Variants in APBB2 observed in about 807,000 individuals in gnomAD.
APBB2 encodes amyloid beta precursor protein binding family B member 2, also known as Fe65-like 1.
Under a neutral mutation model 82.5 loss-of-function variants are expected in APBB2, and 38 were observed. The ratio of observed to expected loss-of-function variants is 0.46; its 90% CI spans 0.36 to 0.60. The LOEUF (loss-of-function observed/expected upper bound fraction) is 0.60, where lower values mean the gene tolerates loss of function less well. Among genes scored for constraint, APBB2 ranks in the 20% least tolerant of loss-of-function variants. APBB2 has a pLI of 0.00. For missense variants in APBB2, 772 were observed against 972.3 expected, an observed-to-expected ratio of 0.79 and a Z score of 2.74; for synonymous variants, 341 against 368.2, an observed-to-expected ratio of 0.93 and a Z score of 0.85.
At chr4:41,040,681 G>A (rs1356696168) in intron 4 of APBB2, among the ~76,000 whole-genome samples, 1 of 151,974 alleles carries the variant, frequency 6.6e-6, no homozygotes, top group Non-Finnish European at 1.5e-5. Context: ...GACTCAAATA[G>A]CCTAAATTAA....
At chr4:40,965,872 G>T (rs1794552701) in intron 6 of APBB2, among the ~76,000 whole-genome samples, 2 of 152,146 alleles carry the variant, frequency 1.3e-5, no homozygotes. Flanking sequence ...AACTTGTTCT[G>T]AATTAAATAT....
intron 1 of APBB2, among the ~76,000 whole-genome samples, chr4:41,194,936 ATT>A: frequency 6.6e-6 from 1 of 152,018 alleles, no homozygotes. Context: ...AAGACGTGTG[ATT>A]TATTTTTAGA....
In APBB2 at chr4:41,127,131, T is replaced by C. The variant is rs1230909674; in HGVS notation, c.-261+15856A>G. On this transcript the variant is annotated intron_variant, in intron 2 of 17. Coordinates refer to ENST00000508593, the MANE Select transcript of APBB2 (RefSeq NM_004307.2). This position sits in a 1 kb window ranked among gnomAD's most constrained non-coding sequence, Gnocchi z 4.8. ...CTACCTTTCTAATATAATGAAAGGA[T>C]ACTACATTCTACAATGTCCCAATGA... Among the ~76,000 whole-genome samples the C allele has an allele frequency of 1.3e-5, 2 of 152,040 alleles. No homozygotes were observed. Among genetic ancestry groups the C allele is most frequent in the Non-Finnish European group, 2.9e-5 (2 of 68,016 alleles).
At chr4:40,930,770 C>T (rs898071924) in intron 10 of APBB2, among the ~76,000 whole-genome samples, 5 of 152,000 alleles carry the variant, frequency 3.3e-5, no homozygotes, top group African/African-American at 1.2e-4. Flanking sequence ...TTTTTTGAGA[C>T]GGAGTCTCGC....
intron 12 of APBB2, among the ~76,000 whole-genome samples, chr4:40,853,011 G>A (rs970673601): frequency 7.2e-5 from 11 of 152,146 alleles, no homozygotes; most frequent in Non-Finnish European, 1.0e-4. Context: ...CTTTGTCCTC[G>A]AACAGTTATT....
intron 6 of APBB2, among the ~76,000 whole-genome samples, chr4:40,994,620 C>G (rs1486808434): frequency 6.6e-6 from 1 of 151,894 alleles, no homozygotes; most frequent in Non-Finnish European, 1.5e-5. Flanking sequence ...TGACACCATC[C>G]TGGCTAACAT....
At chr4:40,921,189 T>C (rs1480246029) in intron 10 of APBB2, among the ~76,000 whole-genome samples, 1 of 152,208 alleles carries the variant, frequency 6.6e-6, no homozygotes, top group Admixed American at 6.5e-5. Context: ...CACCTTTTTG[T>C]ATTTGTGCCC....
At chr4:41,170,559 T>C (rs1439829914) in intron 1 of APBB2, among the ~76,000 whole-genome samples, 2 of 152,124 alleles carry the variant, frequency 1.3e-5, no homozygotes, top group African/African-American at 4.8e-5. Context: ...CAATACAAAA[T>C]AGCTGCCCAG....
Position 41,168,013 on chromosome 4 carries a change from A to G in APBB2, c.-416-24871T>C, listed in dbSNP as rs563870896. Reference sequence around the variant, plus strand: ...TGGCTGGGCGTGGTGGCTCACGCCTATAATCCCAGTACTTTGGGAGGCCGA... The same window carrying G: ...TGGCTGGGCGTGGTGGCTCACGCCTGTAATCCCAGTACTTTGGGAGGCCGA... On this transcript the variant is annotated intron_variant, in intron 1 of 17. Coordinates refer to ENST00000508593, the MANE Select transcript of APBB2 (RefSeq NM_004307.2). Among the ~76,000 whole-genome samples, 6 of 152,188 alleles carry G rather than the reference A, an allele frequency of 3.9e-5. No homozygotes were observed. The South Asian group carries it at 1.2e-3, about 32-fold the overall frequency.
chr4:40,850,615 T>G (rs1331976731), intron 12 of APBB2, among the ~76,000 whole-genome samples: 1 of 152,200 alleles, frequency 6.6e-6, no homozygotes, highest in African/African-American at 2.4e-5. Flanking sequence ...ACGGCCACAC[T>G]CATTCACTTA....
intron 11 of APBB2, chr4:40,893,001 G>A (rs11737809): frequency 0.14 from 44,802 of 317,068 alleles, 3,546 homozygotes; most frequent in Non-Finnish European, 0.17. Flanking sequence ...GGGGAGTTCT[G>A]GGCCCCTAAA....
chr4:41,202,523 A>G (rs1169351234), intron 1 of APBB2, among the ~76,000 whole-genome samples: 1 of 152,178 alleles, frequency 6.6e-6, no homozygotes, highest in Non-Finnish European at 1.5e-5. Flanking sequence ...GATAACGCCA[A>G]CAAAACCATC....
chr4:41,106,578 G>A (rs1203593922), intron 2 of APBB2, among the ~76,000 whole-genome samples: 8 of 152,034 alleles, frequency 5.3e-5, no homozygotes, highest in South Asian at 4.1e-4. Flanking sequence ...CCAGGTTCAC[G>A]GCATTCTCCT....
At chr4:41,203,699 T>C (rs550235840) in intron 1 of APBB2, among the ~76,000 whole-genome samples, 13 of 152,170 alleles carry the variant, frequency 8.5e-5, no homozygotes, top group Non-Finnish European at 1.5e-4. Context: ...CCAGGAGCTG[T>C]AAGCCCCAAT....
At chr4:41,205,322 C>A (rs17443381) in intron 1 of APBB2, among the ~76,000 whole-genome samples, 2 of 152,052 alleles carry the variant, frequency 1.3e-5, no homozygotes, top group Admixed American at 6.6e-5. Flanking sequence ...CAATCCTTCA[C>A]GGGATTTTAC....
At chr4:41,180,752 C>A (rs1277564907) in intron 1 of APBB2, among the ~76,000 whole-genome samples, 1 of 152,208 alleles carries the variant, frequency 6.6e-6, no homozygotes, top group African/African-American at 2.4e-5. Context: ...CTCCTGATCA[C>A]TTTACCTTGA....
Position 40,820,122 on chromosome 4 carries a change from A to T in APBB2, c.2112+1749T>A, listed in dbSNP as rs546820500. On this transcript the variant is annotated intron_variant, in intron 17 of 17. Transcript: ENST00000508593. ...CTGAATGCCCCAGATTCCAGCCCGTAAGTGCGAGGCTGAATTAAATGAAGC... is the reference window on the plus strand; with the variant it reads ...CTGAATGCCCCAGATTCCAGCCCGTTAGTGCGAGGCTGAATTAAATGAAGC... 7.9e-5 allele frequency among the ~76,000 whole-genome samples: 12 copies of T among 152,354 alleles called. No individual in the cohort carries two copies. The South Asian group carries it at 2.3e-3, about 29-fold the overall frequency.
Position 40,816,016 on chromosome 4 carries a change from C to A in APBB2, c.*76G>T, listed in dbSNP as rs534345935. ...AAGCATCAGCAACTGGATGGAAGGTCGGATGGCGGAGTTCATTTTCTTTAG... is the reference window on the plus strand; with the variant it reads ...AAGCATCAGCAACTGGATGGAAGGTAGGATGGCGGAGTTCATTTTCTTTAG... On this transcript the variant is annotated 3_prime_UTR_variant, in exon 18 of 18. Transcript: ENST00000508593. 2.0e-6 allele frequency: 3 copies of A among 1,519,408 alleles called. No homozygotes were observed. The highest frequency in any genetic ancestry group is 2.7e-6 in the Non-Finnish European group (3 of 1,111,284). 94.1% of individuals were successfully genotyped at this position (1,519,408 alleles called of 1,614,324 possible).
intron 10 of APBB2, among the ~76,000 whole-genome samples, chr4:40,918,759 GTT>G (rs1208082701): frequency 5.9e-5 from 5 of 84,278 alleles, no homozygotes; most frequent in African/African-American, 2.6e-4. Flanking sequence ...TTTTTTCTCT[GTT>G]TTTTTTTTTG....
Sources: allele counts gnomAD v4.1 joint callset (sites outside exome capture counted in the v4.1 genomes callset), GRCh38; gene constraint gnomAD v4.1.1; non-coding constraint Gnocchi (gnomAD v3.1); transcripts MANE v1.5; gene names NCBI Gene and HGNC (gene_info 2026-07-23, HGNC 2026-07-21).